The following IKZF3 variants were observed in gnomAD, a reference collection of about 807,000 sequenced individuals.
IKZF3 encodes the protein IKAROS family zinc finger 3, also known as zinc finger protein Aiolos.
Under a neutral mutation model 49.0 loss-of-function variants are expected in IKZF3, and 10 were observed. That is an observed-to-expected ratio of 0.20 (90% CI 0.13 to 0.35). The LOEUF is 0.35. IKZF3 is among the 10% of genes least tolerant of loss of function. The pLI, the probability that IKZF3 is intolerant of heterozygous loss-of-function variation, is 1.00. For synonymous variants in IKZF3, 209 were observed against 228.2 expected (o/e 0.92, Z 0.76); for missense variants, 498 against 664.8 (o/e 0.75, Z 2.76).
At chr17:39,831,269 G>A (rs779236539) in intron 2 of IKZF3, among the ~76,000 whole-genome samples, 32 of 152,136 alleles carry the variant, frequency 2.1e-4, no homozygotes, top group Middle Eastern at 3.4e-3. Context: ...AGCTACTCAG[G>A]AGGCTGAGGC....
Position 39,779,651 on chromosome 17 carries a change from T to TG in IKZF3, c.710-1885_710-1884insC, listed in dbSNP as rs1352078807. On this transcript the variant is annotated intron_variant, in intron 6 of 7. Coordinates refer to ENST00000346872, the MANE Select transcript of IKZF3 (RefSeq NM_012481.5). ...GTCTCTATGTTATATTCTTTGTTTT[T>TG]TGTTTTTTTTTTTTCTGTTCCACGG... Among the ~76,000 whole-genome samples, 6 of 146,254 alleles carry TG rather than the reference T, an allele frequency of 4.1e-5. No homozygotes were observed. In the East Asian group the frequency reaches 7.8e-4, roughly 19 times the overall value.
chr17:39,834,966 C>T, intron 1 of IKZF3: 1 of 395,858 alleles, frequency 2.5e-6, no homozygotes, highest in Non-Finnish European at 4.9e-6. Context: ...TGGCCTTTCA[C>T]CTGGGCAGGA....
At chr17:39,828,462 T>C (rs2062016095) in intron 3 of IKZF3, among the ~76,000 whole-genome samples, 1 of 151,764 alleles carries the variant, frequency 6.6e-6, no homozygotes, top group Non-Finnish European at 1.5e-5. Flanking sequence ...GGAGGAAGAG[T>C]AGCTGAGAGT....
intron 3 of IKZF3, among the ~76,000 whole-genome samples, chr17:39,796,850 C>T (rs2061177258): frequency 6.7e-6 from 1 of 149,762 alleles, no homozygotes; most frequent in Admixed American, 6.6e-5. Context: ...TCGGCCTCAA[C>T]ATTCCTTTCT....
chr17:39,780,677 T>C (rs915461069), intron 6 of IKZF3, among the ~76,000 whole-genome samples: 19 of 152,162 alleles, frequency 1.2e-4, no homozygotes, highest in Admixed American at 9.8e-4. Flanking sequence ...CTTTTTTTTT[T>C]TTCCTGGAAT....
At chr17:39,835,579 C>A in intron 1 of IKZF3, 1 of 434,874 alleles carries the variant, frequency 2.3e-6, no homozygotes. Flanking sequence ...TCAGCCTTGG[C>A]CTGGCTGCGG....
intron 3 of IKZF3, among the ~76,000 whole-genome samples, chr17:39,828,438 A>G (rs1374998297): frequency 2.0e-5 from 3 of 152,232 alleles, no homozygotes; most frequent in African/African-American, 7.2e-5. Flanking sequence ...AAGTTTGGGC[A>G]TAAACAGTAA....
intron 3 of IKZF3, among the ~76,000 whole-genome samples, chr17:39,803,618 A>C (rs1395306940): frequency 6.6e-6 from 1 of 150,562 alleles, no homozygotes; most frequent in Non-Finnish European, 1.5e-5. Context: ...GGTTCAAGCC[A>C]TTCTCCTGCC....
intron 3 of IKZF3, among the ~76,000 whole-genome samples, chr17:39,824,492 C>T (rs1044671543): frequency 5.3e-5 from 8 of 151,960 alleles, no homozygotes; most frequent in African/African-American, 7.3e-5. Flanking sequence ...TGAGGACATG[C>T]GATTTGAATG....
rs1489570635 is a variant in IKZF3 at position 39,761,068 on chromosome 17, G to A, written c.*4722C>T. ...CTTGGGAGGCTGAGGTAGGAGGATT[G>A]TTTGAGCCTAGGAGATCAAAATCTG... On this transcript the variant is annotated 3_prime_UTR_variant, in exon 8 of 8. Transcript: ENST00000346872. 1 of 151,690 alleles carries A rather than the reference G, an allele frequency of 6.6e-6. No individual in the cohort carries two copies. Among genetic ancestry groups the A allele is most frequent in the Non-Finnish European group, 1.5e-5 (1 of 67,898 alleles). 9.4% of individuals were successfully genotyped at this position (151,690 alleles called of 1,614,324 possible).
intron 3 of IKZF3, 112 bp from the exon 4 acceptor site, chr17:39,793,045 A>C (rs1372176933): frequency 4.9e-6 from 5 of 1,029,478 alleles, no homozygotes; most frequent in Middle Eastern, 2.9e-4. Flanking sequence ...AAGCTAACAA[A>C]ACACTGTACA....
intron 1 of IKZF3, chr17:39,836,039 C>T (rs2062269429): frequency 1.6e-6 from 1 of 638,108 alleles, no homozygotes; most frequent in Non-Finnish European, 2.9e-6. Context: ...GCAGGAGGCT[C>T]TACTTGGTCT....
intron 3 of IKZF3, among the ~76,000 whole-genome samples, chr17:39,808,958 A>G (rs906861801): frequency 5.9e-5 from 9 of 152,134 alleles, no homozygotes; most frequent in Non-Finnish European, 1.3e-4. Context: ...AGCCTTTCCT[A>G]TTTTCTCAAG....
intron 3 of IKZF3, among the ~76,000 whole-genome samples, chr17:39,812,564 T>G (rs1023688370): frequency 2.0e-5 from 3 of 152,214 alleles, no homozygotes; most frequent in Non-Finnish European, 4.4e-5. Context: ...ATGAGCTGAT[T>G]CTGGCACACC....
intron 7 of IKZF3, among the ~76,000 whole-genome samples, chr17:39,771,848 TC>T (rs935722703): frequency 2.0e-5 from 3 of 151,688 alleles, no homozygotes; most frequent in African/African-American, 7.3e-5. Context: ...CAAGTGATAC[TC>T]CCACCTCAGC....
In IKZF3 at chr17:39,832,165, G is replaced by A. The variant is rs1422561268; in HGVS notation, c.8-14C>T. 1.9e-6 allele frequency: 3 copies of A among 1,602,280 alleles called. No homozygotes were observed. Among genetic ancestry groups the A allele is most frequent in the Non-Finnish European group, 8.5e-7 (1 of 1,169,780 alleles). On this transcript the variant is annotated splice_polypyrimidine_tract_variant and intron_variant, in intron 1 of 7. Transcript: ENST00000346872. ...TTGTTTGTATATCTGAAAAGAAAGA[G>A]GTTATAAATATTAGCTACTTAGGGT... is the stretch of plus-strand genomic sequence containing the variant.
At chr17:39,805,100 C>T (rs942562619) in intron 3 of IKZF3, among the ~76,000 whole-genome samples, 11 of 152,268 alleles carry the variant, frequency 7.2e-5, no homozygotes, top group African/African-American at 2.4e-4. Context: ...TAATATTCCC[C>T]GTTGTCCTCT....
intron 3 of IKZF3, among the ~76,000 whole-genome samples, chr17:39,798,841 C>T (rs1234226534): frequency 1.3e-5 from 2 of 152,122 alleles, no homozygotes; most frequent in Non-Finnish European, 2.9e-5. Context: ...AACTAATATG[C>T]TGTCTCCTGG....
At position 39,761,296 on chromosome 17, in the gene IKZF3, G is replaced by A. The variant is rs2060176852; in HGVS notation, c.*4494C>T. The A allele has an allele frequency of 6.6e-6, 1 of 152,152 alleles. No homozygotes were observed. The highest frequency in any genetic ancestry group is 2.1e-4 in the South Asian group (1 of 4,830). The allele number at this position is 152,152 out of a possible 1,614,324, so 9.4% of individuals were successfully genotyped here. The stretch of plus-strand genomic sequence containing the variant: ...GGGAGAATAACTTGAGGAAACTAAA[G>A]ACTGATGAGTTCATTTTCTCTCTTT... On this transcript the variant is annotated 3_prime_UTR_variant, in exon 8 of 8. Transcript: ENST00000346872.
Sources: allele counts gnomAD v4.1 joint callset (sites outside exome capture counted in the v4.1 genomes callset), GRCh38; gene constraint gnomAD v4.1.1; transcripts MANE v1.5; gene names NCBI Gene and HGNC (gene_info 2026-07-23, HGNC 2026-07-21).